The following TMCO4 variants were observed in gnomAD, a reference collection of about 807,000 sequenced individuals.
The protein encoded by TMCO4 is transmembrane and coiled-coil domain-containing protein 4.
Under a neutral mutation model 64.7 loss-of-function variants are expected in TMCO4, and 58 were observed. The ratio of observed to expected loss-of-function variants is 0.90; its 90% CI spans 0.73 to 1.12. TMCO4 has a LOEUF of 1.12. Among genes scored for constraint, TMCO4 ranks in the 50% most tolerant of loss-of-function variants. The pLI is 0.00. For synonymous variants in TMCO4, 325 were observed against 346.1 expected (o/e 0.94, Z 0.68); for missense variants, 780 against 825.9 (o/e 0.94, Z 0.68).
At chr1:19,793,008 G>A (rs1223053590) in intron 2 of TMCO4, among the ~76,000 whole-genome samples, 1 of 152,006 alleles carries the variant, frequency 6.6e-6, no homozygotes, top group Non-Finnish European at 1.5e-5. Context: ...TGGCTCAAGT[G>A]ATCCTGTCAC....
intron 4 of TMCO4, among the ~76,000 whole-genome samples, chr1:19,778,540 C>G (rs1366979316): frequency 2.6e-5 from 4 of 152,204 alleles, no homozygotes; most frequent in Non-Finnish European, 5.9e-5. Context: ...GGTAGGATTA[C>G]AGGCGTGAGC....
intron 13 of TMCO4, among the ~76,000 whole-genome samples, chr1:19,729,491 C>T (rs552100633): frequency 2.0e-5 from 3 of 151,452 alleles, no homozygotes; most frequent in Admixed American, 6.6e-5. Context: ...AAAGCCCTGG[C>T]GCAGTGGCTC....
chr1:19,717,924 T>G (rs2095364004), intron 13 of TMCO4, among the ~76,000 whole-genome samples: 1 of 152,186 alleles, frequency 6.6e-6, no homozygotes, highest in African/African-American at 2.4e-5. Context: ...AAAGAAGGGT[T>G]AACAGGAAAT....
At chr1:19,769,308 C>T (rs2042879146) in intron 6 of TMCO4, among the ~76,000 whole-genome samples, 2 of 152,180 alleles carry the variant, frequency 1.3e-5, no homozygotes, top group Admixed American at 6.5e-5. Flanking sequence ...GTACCGGGGG[C>T]AGCCCCTCAC....
chr1:19,751,512 G>A (rs940639502), intron 7 of TMCO4, among the ~76,000 whole-genome samples: 11 of 152,106 alleles, frequency 7.2e-5, no homozygotes, highest in African/African-American at 1.9e-4. Context: ...TGGGAGGATC[G>A]CTTGAACCTG....
intron 13 of TMCO4, among the ~76,000 whole-genome samples, chr1:19,736,151 T>G (rs2095453512): frequency 6.6e-6 from 1 of 152,218 alleles, no homozygotes; most frequent in Non-Finnish European, 1.5e-5. Flanking sequence ...GAGGCCGTTT[T>G]GCAGCAACAA....
chr1:19,750,926 G>A (rs928842661), intron 7 of TMCO4, among the ~76,000 whole-genome samples: 2 of 152,220 alleles, frequency 1.3e-5, no homozygotes, highest in African/African-American at 4.8e-5. Flanking sequence ...CTACACCAGT[G>A]ATTTTCAGAG....
chr1:19,726,941 T>C (rs1051246586), intron 13 of TMCO4, among the ~76,000 whole-genome samples: 9 of 152,190 alleles, frequency 5.9e-5, no homozygotes, highest in African/African-American at 2.2e-4. Flanking sequence ...CCCTTCCCCC[T>C]CCTGTGGGGT....
At chr1:19,745,398 T>C in intron 10 of TMCO4, 134 bp downstream of exon 10, 2 of 1,418,428 alleles carry the variant, frequency 1.4e-6, no homozygotes, top group East Asian at 2.3e-5. Flanking sequence ...CTCACCTCTC[T>C]GAGCCTCAGT....
chr1:19,771,407 A>G lies in TMCO4; in HGVS notation c.255T>C (p.Thr85=). 6.2e-7 allele frequency: 1 copy of G among 1,614,224 alleles called. No individual in the cohort carries two copies. Among genetic ancestry groups the G allele is most frequent in the South Asian group, 1.1e-5 (1 of 91,088 alleles). Residue 85 remains threonine (T), a synonymous_variant, in exon 5 of 16, where the codon ACT becomes ACC. Coordinates refer to ENST00000294543, the MANE Select transcript of TMCO4 (RefSeq NM_181719.7). The part of the protein sequence containing the change: ...ELSEAVLPTM[T]AFASGLGGEG... ...CACCTCCCAGGCCGCTCGCAAAAGC[A>G]GTCATGGTTGGCAAGACAGCTTCAG...
chr1:19,773,094 G>A (rs1182280500), intron 4 of TMCO4, among the ~76,000 whole-genome samples: 1 of 152,172 alleles, frequency 6.6e-6, no homozygotes, highest in Non-Finnish European at 1.5e-5. Context: ...GGAGGCTGAG[G>A]CACAAGAGTC....
At chr1:19,761,843 C>T (rs2042518085) in intron 6 of TMCO4, among the ~76,000 whole-genome samples, 1 of 152,218 alleles carries the variant, frequency 6.6e-6, no homozygotes, top group South Asian at 2.1e-4. Context: ...CTGAGATAGT[C>T]TGGATGTGCT....
intron 15 of TMCO4, among the ~76,000 whole-genome samples, 170 bp downstream of exon 15, chr1:19,694,264 A>T (rs1462336219): frequency 6.6e-6 from 1 of 152,136 alleles, no homozygotes; most frequent in Non-Finnish European, 1.5e-5. Flanking sequence ...GGCCTCCCGA[A>T]GTGCCGGGAT....
At chr1:19,704,343 G>A (rs1609560) in intron 13 of TMCO4, among the ~76,000 whole-genome samples, 122,462 of 152,180 alleles carry the variant, frequency 0.8, 49,983 homozygotes, top group African/African-American at 0.95. Context: ...CTGTTGCTGA[G>A]AAGGCCCTTA....
chr1:19,792,148 G>A (rs112067115), intron 2 of TMCO4, among the ~76,000 whole-genome samples: 2 of 152,096 alleles, frequency 1.3e-5, no homozygotes, highest in Admixed American at 6.5e-5. Context: ...ACCCAGTCTC[G>A]GGTACGTCTT....
intron 7 of TMCO4, among the ~76,000 whole-genome samples, chr1:19,747,952 T>G (rs77343285): frequency 0.012 from 1,762 of 152,240 alleles, 42 homozygotes; most frequent in African/African-American, 0.041. Context: ...TGAACTGAGG[T>G]TGGAGTCTGA....
intron 4 of TMCO4, among the ~76,000 whole-genome samples, chr1:19,774,784 A>G (rs909000933): frequency 2.0e-5 from 3 of 152,174 alleles, no homozygotes; most frequent in Non-Finnish European, 4.4e-5. Context: ...CCATGACCCC[A>G]TGAGGAAGGG....
chr1:19,736,758 T>C (rs969794266), intron 13 of TMCO4, among the ~76,000 whole-genome samples: 1 of 152,180 alleles, frequency 6.6e-6, no homozygotes, highest in African/African-American at 2.4e-5. Context: ...CTCCCAAAGG[T>C]GTCTGTGTGT....
chr1:19,709,100 AC>A (rs777643660), intron 13 of TMCO4, among the ~76,000 whole-genome samples: 5 of 152,026 alleles, frequency 3.3e-5, no homozygotes, highest in Non-Finnish European at 7.4e-5. Flanking sequence ...CTTTGACTGT[AC>A]CCCCAAGCCC....
Sources: gnomAD v4.1 joint callset for allele counts (sites outside exome capture counted in the v4.1 genomes callset) on GRCh38, gnomAD v4.1.1 for gene constraint, MANE v1.5 for transcripts, NCBI Gene and HGNC (gene_info 2026-07-23, HGNC 2026-07-21) for gene names.